The following KCNMA1 variants were observed in gnomAD, a reference collection of about 807,000 sequenced individuals.
KCNMA1 encodes the protein potassium calcium-activated channel subfamily M alpha 1, also known as Calcium-activated potassium channel subunit alpha-1.
In KCNMA1, 29 loss-of-function variants were observed where a neutral mutation model predicts 140.0. The observed-to-expected ratio is 0.21, with a 90% CI of 0.15 to 0.28. The LOEUF (loss-of-function observed/expected upper bound fraction) is 0.28, where lower values mean the gene tolerates loss of function less well. KCNMA1 is among the 10% of genes least tolerant of loss of function. The pLI, the probability that KCNMA1 is intolerant of heterozygous loss-of-function variation, is 1.00. For synonymous variants in KCNMA1, 612 were observed against 611.9 expected (o/e 1.00, Z 0.00); for missense variants, 880 against 1,602.2 (o/e 0.55, Z 7.70).
intron 1 of KCNMA1, among the ~76,000 whole-genome samples, chr10:77,527,229 C>T (rs527266873): frequency 2.0e-5 from 3 of 152,358 alleles, no homozygotes; most frequent in South Asian, 2.1e-4. Flanking sequence ...TCCCACAGGA[C>T]GAACTGGCTT....
intron 2 of KCNMA1, among the ~76,000 whole-genome samples, chr10:77,279,043 G>A (rs185205404): frequency 2.9e-4 from 44 of 152,196 alleles, no homozygotes; most frequent in Non-Finnish European, 2.9e-5. Context: ...TAGGTTTTTG[G>A]GGGGTGTGTT....
intron 2 of KCNMA1, among the ~76,000 whole-genome samples, chr10:77,344,671 C>T (rs1488119124): frequency 2.0e-5 from 3 of 151,978 alleles, no homozygotes; most frequent in Non-Finnish European, 2.9e-5. Context: ...TGTCTTCCCT[C>T]TTCACTAGTC....
At chr10:76,890,978 T>G (rs2039782190) in intron 26 of KCNMA1, among the ~76,000 whole-genome samples, 1 of 152,230 alleles carries the variant, frequency 6.6e-6, no homozygotes, top group Non-Finnish European at 1.5e-5. Context: ...CCTGGTGCTT[T>G]GAAAACCACC....
intron 5 of KCNMA1, among the ~76,000 whole-genome samples, chr10:77,155,097 C>T (rs114758991): frequency 0.06 from 9,119 of 152,128 alleles, 327 homozygotes; most frequent in South Asian, 0.11. Context: ...GCTCTAAGGC[C>T]ATGGCAGGCT....
intron 16 of KCNMA1, 90 bp downstream of exon 16, chr10:77,027,733 G>A: frequency 9.9e-7 from 1 of 1,014,292 alleles, no homozygotes; most frequent in South Asian, 1.3e-5. Flanking sequence ...GATAAATAAT[G>A]CACAAGAAAG....
At chr10:77,461,355 G>C (rs769180244) in intron 1 of KCNMA1, among the ~76,000 whole-genome samples, 2 of 151,620 alleles carry the variant, frequency 1.3e-5, no homozygotes, top group Non-Finnish European at 2.9e-5. Context: ...GGGGCAACTT[G>C]TTTCGCTGTA....
intron 20 of KCNMA1, 103 bp from the exon 21 acceptor site, chr10:76,954,027 A>G: frequency 7.5e-7 from 1 of 1,333,628 alleles, no homozygotes; most frequent in Non-Finnish European, 1.0e-6. Flanking sequence ...GATGCAGAGG[A>G]AGTGGTTGTC....
At chr10:77,303,165 C>T (rs1270526730) in intron 2 of KCNMA1, among the ~76,000 whole-genome samples, 3 of 152,204 alleles carry the variant, frequency 2.0e-5, no homozygotes, top group Non-Finnish European at 2.9e-5. Context: ...GAAGAGTGGA[C>T]AGAAGTGAAT....
At chr10:77,098,884 C>T (rs2097015063) in intron 9 of KCNMA1, among the ~76,000 whole-genome samples, 1 of 151,914 alleles carries the variant, frequency 6.6e-6, no homozygotes, top group South Asian at 2.1e-4. Flanking sequence ...ACCCTCACCC[C>T]TCTGCATCTT....
intron 14 of KCNMA1, among the ~76,000 whole-genome samples, chr10:77,054,002 G>A (rs749203860): frequency 5.9e-5 from 9 of 152,166 alleles, no homozygotes; most frequent in Admixed American, 3.9e-4. Context: ...CTGCACAGCC[G>A]CACAACCCCC....
chr10:77,254,401 T>A (rs2060293681), intron 2 of KCNMA1, among the ~76,000 whole-genome samples: 2 of 151,970 alleles, frequency 1.3e-5, no homozygotes, highest in South Asian at 4.2e-4. Flanking sequence ...TTTTGTATTT[T>A]TAGTAGAGAG....
At chr10:77,613,377 CAG>C (rs1191061416) in intron 1 of KCNMA1, among the ~76,000 whole-genome samples, 2 of 152,192 alleles carry the variant, frequency 1.3e-5, no homozygotes, top group East Asian at 3.9e-4. Flanking sequence ...CCAATACACA[CAG>C]TGCTTCATTA....
At chr10:77,194,165 C>G (rs2039623829) in intron 3 of KCNMA1, among the ~76,000 whole-genome samples, 1 of 152,060 alleles carries the variant, frequency 6.6e-6, no homozygotes, top group Non-Finnish European at 1.5e-5. Flanking sequence ...AAATAAGAAG[C>G]CCTCATATTC....
intron 2 of KCNMA1, among the ~76,000 whole-genome samples, chr10:77,302,933 T>G (rs2076871787): frequency 6.6e-6 from 1 of 152,100 alleles, no homozygotes; most frequent in Non-Finnish European, 1.5e-5. Flanking sequence ...TGGCTTTGGT[T>G]TGCAGGGGGG....
At chr10:77,567,629 C>T (rs892362597) in intron 1 of KCNMA1, among the ~76,000 whole-genome samples, 2 of 152,186 alleles carry the variant, frequency 1.3e-5, no homozygotes, top group Admixed American at 1.3e-4. Flanking sequence ...TCTAATTGAA[C>T]CTTGGGAGCA....
chr10:77,302,305 C>T (rs2076721551), intron 2 of KCNMA1, among the ~76,000 whole-genome samples: 1 of 151,910 alleles, frequency 6.6e-6, no homozygotes, highest in African/African-American at 2.4e-5. Context: ...TTTTTTGCAT[C>T]CCTGGGTTGC....
In KCNMA1 at chr10:77,206,514, G is replaced by A. The variant is rs529362010; in HGVS notation, c.603-21598C>T. Among the ~76,000 whole-genome samples the A allele has an allele frequency of 7.2e-5, 11 of 152,148 alleles. No individual in the cohort carries two copies. The East Asian group carries it at 1.4e-3, about 19-fold the overall frequency. On this transcript the variant is annotated intron_variant, in intron 3 of 27. Coordinates refer to ENST00000286628, the MANE Select transcript of KCNMA1 (RefSeq NM_001161352.2). ...AACTTCTATCTGCTCTTGGTTTTTC[G>A]TCTAACTGGGAACTGGACCTCTTGC...
At chr10:77,122,218 CTT>C (rs1273177679) in intron 5 of KCNMA1, among the ~76,000 whole-genome samples, 1 of 152,080 alleles carries the variant, frequency 6.6e-6, no homozygotes, top group Admixed American at 6.5e-5. Context: ...GGAAAATTAA[CTT>C]AAAGTTCATG....
chr10:77,408,556 GTGTC>G (rs2096546639), intron 1 of KCNMA1, among the ~76,000 whole-genome samples: 2 of 152,312 alleles, frequency 1.3e-5, no homozygotes, highest in South Asian at 2.1e-4. Context: ...ATGCGTGTGT[GTGTC>G]TGTGTGTGTA....
Sources: gnomAD v4.1 joint callset for allele counts (sites outside exome capture counted in the v4.1 genomes callset) on GRCh38, gnomAD v4.1.1 for gene constraint, MANE v1.5 for transcripts, NCBI Gene and HGNC (gene_info 2026-07-23, HGNC 2026-07-21) for gene names.